PPARGC1A: variants seen among roughly 807,000 people sequenced by gnomAD.
PPARGC1A encodes PPARG coactivator 1 alpha.
Under a neutral mutation model 88.7 loss-of-function variants are expected in PPARGC1A, and 25 were observed. The ratio of observed to expected loss-of-function variants is 0.28; its 90% CI spans 0.21 to 0.39. PPARGC1A has a LOEUF of 0.39. PPARGC1A is among the 10% of genes least tolerant of loss of function. The pLI, the probability that PPARGC1A is intolerant of heterozygous loss-of-function variation, is 1.00. For missense variants in PPARGC1A, 880 were observed against 968.7 expected (o/e 0.91, Z 1.22); for synonymous variants, 363 against 355.6 (o/e 1.02, Z -0.24).
At chr4:23,937,067 A>T in the PPARGC1A span, among the ~76,000 whole-genome samples, 1 of 151,860 alleles carries the variant, frequency 6.6e-6, no homozygotes, top group Non-Finnish European at 1.5e-5. Context: ...ATGAAGGTCA[A>T]TTGCTAAGGC....
the PPARGC1A span, among the ~76,000 whole-genome samples, chr4:23,971,296 T>C: frequency 2.7e-4 from 41 of 152,186 alleles, no homozygotes; most frequent in African/African-American, 9.2e-4. Context: ...GATGTAACCA[T>C]CAGTATAGTT....
the PPARGC1A span, among the ~76,000 whole-genome samples, chr4:23,964,388 A>C: frequency 8.5e-5 from 13 of 152,190 alleles, no homozygotes; most frequent in African/African-American, 3.1e-4. Context: ...TGTTAAGAGC[A>C]TGGTGACCAG....
At chr4:24,412,284 C>T in the PPARGC1A span, among the ~76,000 whole-genome samples, 4 of 152,216 alleles carry the variant, frequency 2.6e-5, 1 homozygote, top group Middle Eastern at 0.01. Context: ...CCTTCCATTT[C>T]ACCAGGGCAG....
At chr4:24,250,268 G>C in the PPARGC1A span, among the ~76,000 whole-genome samples, 55,989 of 152,012 alleles carry the variant, frequency 0.37, 10,279 homozygotes, top group East Asian at 0.47. Flanking sequence ...GCAATTTCTG[G>C]ACTAACACCT....
chr4:24,148,910 C>A, the PPARGC1A span, among the ~76,000 whole-genome samples: 1 of 152,152 alleles, frequency 6.6e-6, no homozygotes, highest in Non-Finnish European at 1.5e-5. Context: ...AGACTAAATG[C>A]CTCTCTAAAT....
the PPARGC1A span, among the ~76,000 whole-genome samples, chr4:24,021,892 A>G: frequency 1.3e-5 from 2 of 152,228 alleles, no homozygotes; most frequent in African/African-American, 2.4e-5. Context: ...TGGGCCCCCA[A>G]TGCAGAATGG....
chr4:24,007,963 C>T, the PPARGC1A span, among the ~76,000 whole-genome samples: 59 of 152,254 alleles, frequency 3.9e-4, 1 homozygote, highest in African/African-American at 1.3e-3. Flanking sequence ...CGTCGTCTCC[C>T]GCTCCTTACA....
the PPARGC1A span, among the ~76,000 whole-genome samples, chr4:24,348,358 C>T: frequency 2.0e-5 from 3 of 152,336 alleles, no homozygotes; most frequent in African/African-American, 7.2e-5. Flanking sequence ...AGGTCTCTCA[C>T]AACCCAGGGA....
At chr4:24,146,349 T>G in the PPARGC1A span, among the ~76,000 whole-genome samples, 1 of 152,364 alleles carries the variant, frequency 6.6e-6, no homozygotes, top group South Asian at 2.1e-4. Context: ...CTAGCAGCAC[T>G]GGCATGCACA....
the PPARGC1A span, among the ~76,000 whole-genome samples, chr4:23,910,393 A>T: frequency 1.8e-5 from 2 of 111,578 alleles, no homozygotes; most frequent in Non-Finnish European, 3.4e-5. Context: ...TATTATATAT[A>T]TTATATATAT....
the PPARGC1A span, among the ~76,000 whole-genome samples, chr4:23,921,074 A>T: frequency 2.6e-5 from 4 of 151,552 alleles, no homozygotes; most frequent in Non-Finnish European, 5.9e-5. Flanking sequence ...CACCTTTCTC[A>T]AAGGGAAAGG....
chr4:24,342,642 AT>A, the PPARGC1A span, among the ~76,000 whole-genome samples: 1 of 152,254 alleles, frequency 6.6e-6, no homozygotes, highest in Admixed American at 6.5e-5. Context: ...TCATTAAGCT[AT>A]GGTAAAATTG....
chr4:23,806,502 G>T (rs116538348), intron 10 of PPARGC1A, among the ~76,000 whole-genome samples: 1 of 152,176 alleles, frequency 6.6e-6, no homozygotes, highest in Non-Finnish European at 1.5e-5. Flanking sequence ...AGGCTTGGAG[G>T]AACTCTAAAC....
the PPARGC1A span, among the ~76,000 whole-genome samples, chr4:24,238,619 T>G: frequency 6.6e-6 from 1 of 152,180 alleles, no homozygotes; most frequent in Non-Finnish European, 1.5e-5. Flanking sequence ...AGTTATTATA[T>G]TGGTCACTGG....
the PPARGC1A span, among the ~76,000 whole-genome samples, chr4:24,190,653 CTT>C: frequency 2.0e-5 from 3 of 152,204 alleles, no homozygotes; most frequent in African/African-American, 7.2e-5. Flanking sequence ...AAAAGGGAAA[CTT>C]AGCCTCGAAG....
chr4:24,052,199 CA>C, the PPARGC1A span, among the ~76,000 whole-genome samples: 8 of 152,234 alleles, frequency 5.3e-5, no homozygotes, highest in East Asian at 1.5e-3. Flanking sequence ...CTTGACAAAG[CA>C]GTTGCTATGT....
At chr4:24,382,604 C>A in the PPARGC1A span, among the ~76,000 whole-genome samples, 1 of 152,166 alleles carries the variant, frequency 6.6e-6, no homozygotes, top group Admixed American at 6.5e-5. Context: ...AGAACTGATA[C>A]AAGGTTAAAT....
chr4:24,067,516 G>A, the PPARGC1A span, among the ~76,000 whole-genome samples: 4 of 152,106 alleles, frequency 2.6e-5, no homozygotes. Context: ...ATGAAGATCT[G>A]GCTCAGAAAC....
the PPARGC1A span, among the ~76,000 whole-genome samples, chr4:24,317,555 T>TTAAAAAAAAAAAAAAAA: frequency 1.8e-4 from 4 of 22,208 alleles, no homozygotes; most frequent in African/African-American, 4.0e-4. Context: ...TTCAGAGGAC[T>TTAAAAAAAAAAAAAAAA]AAAAAAAAAA....
Sources: gnomAD v4.1 joint callset for allele counts (sites outside exome capture counted in the v4.1 genomes callset) on GRCh38, gnomAD v4.1.1 for gene constraint, MANE v1.5 for transcripts, NCBI Gene and HGNC (gene_info 2026-07-23, HGNC 2026-07-21) for gene names.